The following PTPN9 variants were observed in gnomAD, a reference collection of about 807,000 sequenced individuals.
The protein encoded by PTPN9 is protein tyrosine phosphatase non-receptor type 9, also known as tyrosine-protein phosphatase non-receptor type 9.
Under a neutral mutation model 69.8 loss-of-function variants are expected in PTPN9, and 26 were observed. The ratio of observed to expected loss-of-function variants is 0.37; its 90% CI spans 0.27 to 0.52. The LOEUF is 0.52. PTPN9 is among the 20% of genes least tolerant of loss of function. The pLI, the probability that PTPN9 is intolerant of heterozygous loss-of-function variation, is 0.91. For synonymous variants in PTPN9, 274 were observed against 272.5 expected (o/e 1.01, Z -0.05); for missense variants, 549 against 740.3 (o/e 0.74, Z 3.00).
chr15:75,574,916 TG>T (rs2075164208), intron 1 of PTPN9, among the ~76,000 whole-genome samples: 1 of 126,596 alleles, frequency 7.9e-6, no homozygotes, highest in East Asian at 2.4e-4. Flanking sequence ...CATTCCAGCC[TG>T]GGCAACAAGA....
intron 1 of PTPN9, among the ~76,000 whole-genome samples, chr15:75,541,695 T>G (rs546399060): frequency 6.6e-6 from 1 of 151,974 alleles, no homozygotes; most frequent in Non-Finnish European, 1.5e-5. Context: ...CGTGAGCCAC[T>G]GCACCTGGCC....
intron 1 of PTPN9, among the ~76,000 whole-genome samples, chr15:75,564,625 T>C (rs1231914249): frequency 6.6e-6 from 1 of 151,302 alleles, no homozygotes; most frequent in Non-Finnish European, 1.5e-5. Flanking sequence ...GACACCACAT[T>C]ATCATGCCAT....
chr15:75,570,236 T>C (rs1014664109), intron 1 of PTPN9: 3 of 152,216 alleles, frequency 2.0e-5, no homozygotes, highest in Non-Finnish European at 4.4e-5. Context: ...TCACCTTTCC[T>C]TCCTTCTTTG....
intron 1 of PTPN9, among the ~76,000 whole-genome samples, chr15:75,529,357 G>GAA (rs2074945045): frequency 6.6e-6 from 1 of 152,090 alleles, no homozygotes; most frequent in Non-Finnish European, 1.5e-5. Context: ...CTTCCATCCA[G>GAA]AAACTTTTCT....
At chr15:75,534,357 C>A (rs925193918) in intron 1 of PTPN9, among the ~76,000 whole-genome samples, 1 of 152,130 alleles carries the variant, frequency 6.6e-6, no homozygotes, top group Non-Finnish European at 1.5e-5. Context: ...CCATTTTATA[C>A]AAAACCATAC....
chr15:75,508,893 T>A, intron 6 of PTPN9, 24 bp downstream of exon 6: 1 of 1,555,314 alleles, frequency 6.4e-7, no homozygotes, highest in African/African-American at 1.4e-5. Context: ...CACCTCCAGA[T>A]AAAAAAGGGC....
chr15:75,516,992 C>T (rs2074873682), intron 5 of PTPN9, among the ~76,000 whole-genome samples: 1 of 152,042 alleles, frequency 6.6e-6, no homozygotes, highest in South Asian at 2.1e-4. Flanking sequence ...ATCCACCCAC[C>T]TCGGCCTCCC....
intron 7 of PTPN9, among the ~76,000 whole-genome samples, chr15:75,503,994 T>G (rs2074795113): frequency 1.9e-5 from 2 of 107,446 alleles, no homozygotes; most frequent in Non-Finnish European, 1.9e-5. Flanking sequence ...GAGGAGCCCC[T>G]CTGCCGGGCC....
intron 8 of PTPN9, among the ~76,000 whole-genome samples, chr15:75,489,340 G>C (rs183711609): frequency 1.3e-5 from 2 of 152,246 alleles, no homozygotes; most frequent in Admixed American, 1.3e-4. Flanking sequence ...TGTAATTCCA[G>C]CACTTAGGGA....
In PTPN9 at chr15:75,578,800, G is replaced by C. The variant is rs2075186097; in HGVS notation, c.-24C>G. On this transcript the variant is annotated 5_prime_UTR_variant, in exon 1 of 13. Coordinates refer to ENST00000618819, the MANE Select transcript of PTPN9 (RefSeq NM_002833.4). ...ATCCCCCCGCCACCGCCGCCGGGCG[G>C]ACAAAACTCGCTCGCGAGCGCGGGA... 8.2e-7 allele frequency: 1 copy of C among 1,220,652 alleles called. No individual in the cohort carries two copies. Among genetic ancestry groups the C allele is most frequent in the Non-Finnish European group, 1.0e-6 (1 of 980,372 alleles). The allele number at this position is 1,220,652 out of a possible 1,614,324, so 75.6% of individuals were successfully genotyped here.
intron 5 of PTPN9, among the ~76,000 whole-genome samples, chr15:75,511,786 T>C (rs1010689327): frequency 2.0e-5 from 3 of 152,180 alleles, no homozygotes; most frequent in African/African-American, 4.8e-5. Flanking sequence ...ATTCTGATTA[T>C]TCAGTTTGTT....
chr15:75,552,583 G>A (rs1258208710), intron 1 of PTPN9, among the ~76,000 whole-genome samples: 2 of 151,692 alleles, frequency 1.3e-5, no homozygotes, highest in African/African-American at 4.8e-5. Context: ...CTTAATTCTA[G>A]GCTAATGTAA....
chr15:75,509,031 T>G lies in PTPN9; in HGVS notation c.529-4A>C. ...TCAAACGAGCTGGAAATGCTCCCTG[T>G]GGAGAAAACACATGAGGATTTAAGT... is the stretch of plus-strand genomic sequence containing the variant. On this transcript the variant is annotated splice_polypyrimidine_tract_variant and splice_region_variant and intron_variant, in intron 5 of 12. Transcript: ENST00000618819. The G allele has an allele frequency of 1.2e-6, 2 of 1,611,914 alleles. No individual in the cohort carries two copies. Among genetic ancestry groups the G allele is most frequent in the South Asian group, 2.2e-5 (2 of 90,964 alleles).
At chr15:75,483,737 C>T (rs1425772751) in intron 8 of PTPN9, among the ~76,000 whole-genome samples, 5 of 152,156 alleles carry the variant, frequency 3.3e-5, no homozygotes, top group Admixed American at 3.3e-4. Flanking sequence ...GGGTCATGAT[C>T]AACTCAGTAT....
rs1188399796 is a variant in PTPN9, at chr15:75,572,734, AAAAG to A, written c.63+5976_63+5979del. Among the ~76,000 whole-genome samples the A allele has an allele frequency of 4.2e-4, 64 of 152,268 alleles. 1 individual carries two copies. The highest frequency in any genetic ancestry group is 1.8e-3 in the Admixed American group (27 of 15,286). ...AAAAAAAGAAAAAAAGAAAGAAAGA[AAAAG>A]AAAGGCTTTCACAAGCCTTCTTGTG... On this transcript the variant is annotated intron_variant, in intron 1 of 12. Coordinates refer to ENST00000618819, the MANE Select transcript of PTPN9 (RefSeq NM_002833.4).
In PTPN9 at chr15:75,505,974, C is replaced by T. The variant is rs760119034; in HGVS notation, c.669G>A (p.Thr223=). Residue 223 remains threonine (T), a synonymous_variant, in exon 7 of 13, where the codon ACG becomes ACA. Transcript: ENST00000618819. ...GAAGACACTCCCTGGGCAGATGCTG[C>T]GTGACCTCAGATGTCTTTAATATTT... ...RIQILKTSEV[T]QHLPRECLPE... The T allele has an allele frequency of 8.7e-6, 14 of 1,613,372 alleles. No homozygotes were observed. Among genetic ancestry groups the T allele is most frequent in the Middle Eastern group, 3.3e-4 (2 of 6,082 alleles).
chr15:75,472,953 G>GAA (rs879420853), intron 10 of PTPN9, among the ~76,000 whole-genome samples: 1 of 130,912 alleles, frequency 7.6e-6, no homozygotes, highest in African/African-American at 2.8e-5. Context: ...CATCTCAGAA[G>GAA]AAAAAAAAAA....
intron 1 of PTPN9, among the ~76,000 whole-genome samples, chr15:75,568,523 AAC>A (rs1404754242): frequency 1.4e-5 from 2 of 147,878 alleles, no homozygotes; most frequent in African/African-American, 2.5e-5. Context: ...AAAAAAAAAA[AAC>A]AAAACAAAAA....
chr15:75,488,771 G>A (rs995300638), intron 8 of PTPN9, among the ~76,000 whole-genome samples: 1 of 152,142 alleles, frequency 6.6e-6, no homozygotes, highest in Non-Finnish European at 1.5e-5. Flanking sequence ...TCAAGCCTGG[G>A]TGACAGAGTG....
Sources: allele counts gnomAD v4.1 joint callset (sites outside exome capture counted in the v4.1 genomes callset), GRCh38; gene constraint gnomAD v4.1.1; transcripts MANE v1.5; gene names NCBI Gene and HGNC (gene_info 2026-07-23, HGNC 2026-07-21).